The following PCDHA5 variants were observed in gnomAD, a reference collection of about 807,000 sequenced individuals.
PCDHA5 encodes protocadherin alpha 5.
A neutral mutation model predicts 61.6 loss-of-function variants in PCDHA5; 43 were observed. That is an observed-to-expected ratio of 0.70 (90% CI 0.55 to 0.90). The LOEUF (loss-of-function observed/expected upper bound fraction) is 0.90, where lower values mean the gene tolerates loss of function less well. Ranked by LOEUF, PCDHA5 falls within the 40% of genes least tolerant of loss-of-function variation. The pLI is 0.00. For missense variants in PCDHA5, 1,298 were observed against 1,222.7 expected (o/e 1.06, Z -0.92); for synonymous variants, 627 against 543.9 (o/e 1.15, Z -2.13).
Position 140,842,156 on chromosome 5 carries a change from T to G in PCDHA5, c.2352+18029T>G, listed in dbSNP as rs2150330678. 3.3e-5 allele frequency: 54 copies of G among 1,613,784 alleles called. 1 individual carries two copies. The South Asian group carries it at 5.9e-4, about 18-fold the overall frequency. ...TGAAGGAGCCAATGGGGCAATTTCA[T>G]ATTCTTTTAATAGCCTTGTTGAAAC... On this transcript the variant is annotated intron_variant, in intron 1 of 3. Coordinates refer to ENST00000529859, the MANE Select transcript of PCDHA5 (RefSeq NM_018908.3).
At chr5:140,976,470 G>A (rs1388811059) in intron 1 of PCDHA5, among the ~76,000 whole-genome samples, 3 of 152,116 alleles carry the variant, frequency 2.0e-5, no homozygotes, top group Non-Finnish European at 4.4e-5. Context: ...AGAATTGCTT[G>A]AATCCGGGAG....
rs568088223 is a variant in PCDHA5, at chr5:140,879,577, G to T, written c.2352+55450G>T. ...ATCCATGAAAGAATAAAATTGCCAA[G>T]ACAGACATTGAAAAGTGAAAAACAA... is the stretch of plus-strand genomic sequence containing the variant. On this transcript the variant is annotated intron_variant, in intron 1 of 3. Transcript: ENST00000529859. Among the ~76,000 whole-genome samples, 5 of 152,302 alleles carry T rather than the reference G, an allele frequency of 3.3e-5. No homozygotes were observed. In the South Asian group the frequency reaches 1.0e-3, roughly 32 times the overall value.
chr5:140,979,961 C>G (rs1554241296), intron 2 of PCDHA5, among the ~76,000 whole-genome samples: 1 of 152,054 alleles, frequency 6.6e-6, no homozygotes, highest in Non-Finnish European at 1.5e-5. Context: ...TAGTTTTAGC[C>G]CATTAAAATG....
chr5:140,833,761 C>A (rs1284549843), intron 1 of PCDHA5, among the ~76,000 whole-genome samples: 5 of 151,960 alleles, frequency 3.3e-5, no homozygotes, highest in African/African-American at 7.3e-5. Context: ...AACACACACA[C>A]ACACACCGCT....
chr5:140,831,954 TTA>T (rs1771776024), intron 1 of PCDHA5, among the ~76,000 whole-genome samples: 2 of 152,186 alleles, frequency 1.3e-5, no homozygotes, highest in South Asian at 4.1e-4. Flanking sequence ...AAGAAAAACT[TTA>T]TGTCATTTTA....
At chr5:140,884,321 G>A in intron 1 of PCDHA5, 1 of 1,613,854 alleles carries the variant, frequency 6.2e-7, no homozygotes, top group Non-Finnish European at 8.5e-7. Context: ...GGCGTCGGCA[G>A]GCGCTGTGGG....
intron 1 of PCDHA5, chr5:140,842,054 T>A (rs1461509081): frequency 6.2e-7 from 1 of 1,613,638 alleles, no homozygotes; most frequent in Non-Finnish European, 8.5e-7. Context: ...TTTCGAACAG[T>A]CTGAATACGA....
chr5:141,011,104 C>G lies in PCDHA5; in HGVS notation c.*1167C>G, dbSNP rs1396728499. The G allele has an allele frequency of 6.5e-6, 1 of 153,844 alleles. No homozygotes were observed. Among genetic ancestry groups the G allele is most frequent in the Non-Finnish European group, 1.5e-5 (1 of 68,020 alleles). The allele number at this position is 153,844 out of a possible 1,614,324, so 9.5% of individuals were successfully genotyped here. A position where few individuals can be genotyped will look rare whatever the true frequency, so the allele number is the denominator to read the frequency against. On this transcript the variant is annotated 3_prime_UTR_variant, in exon 4 of 4. Transcript: ENST00000529859. ...GATCTCTCTTTCTCTCTCTCTCTCT[C>G]TTTTCTAAGAAACAATTATGTGCAC... is the stretch of plus-strand genomic sequence containing the variant.
At chr5:140,868,810 G>C (rs944762063) in intron 1 of PCDHA5, 6 of 369,934 alleles carry the variant, frequency 1.6e-5, no homozygotes, top group African/African-American at 1.2e-4. Flanking sequence ...AAGCACGTTG[G>C]AAATATTTGG....
At position 140,929,227 on chromosome 5, in the gene PCDHA5, G is replaced by C. The variant is rs141300036; in HGVS notation, c.2353-49722G>C. ...GTTGCGTGGGGAGTACAATGCTGCC[G>C]ACCTGCGAAATCTTGCCACTGGGGT... On this transcript the variant is annotated intron_variant, in intron 1 of 3. Transcript: ENST00000529859. 7.4e-6 allele frequency: 12 copies of C among 1,613,892 alleles called. No homozygotes were observed. In the African/African-American group the frequency reaches 1.5e-4, roughly 20 times the overall value.
intron 1 of PCDHA5, chr5:140,882,587 G>A (rs559310344): frequency 6.2e-7 from 1 of 1,614,256 alleles, no homozygotes; most frequent in East Asian, 2.2e-5. Flanking sequence ...CATCCACCTG[G>A]AGGTGATCGT....
At chr5:140,957,725 A>T (rs1385506394) in intron 1 of PCDHA5, among the ~76,000 whole-genome samples, 1 of 152,156 alleles carries the variant, frequency 6.6e-6, no homozygotes, top group Non-Finnish European at 1.5e-5. Context: ...AAAGAAGCAG[A>T]ATTATATATA....
chr5:140,886,401 A>G (rs2060965059), intron 1 of PCDHA5, among the ~76,000 whole-genome samples: 1 of 152,174 alleles, frequency 6.6e-6, no homozygotes, highest in African/African-American at 2.4e-5. Flanking sequence ...TGCATCACAA[A>G]TATGTTTTCC....
chr5:140,842,171 C>T, intron 1 of PCDHA5: 8 of 1,613,804 alleles, frequency 5.0e-6, no homozygotes, highest in Non-Finnish European at 6.8e-6. Flanking sequence ...TTTTAATAGC[C>T]TTGTTGAAAC....
chr5:140,870,052 A>C (rs782520778), intron 1 of PCDHA5: 1 of 1,613,830 alleles, frequency 6.2e-7, no homozygotes, highest in Non-Finnish European at 8.5e-7. Flanking sequence ...GTTTTATAAA[A>C]TTGAAGTACA....
intron 1 of PCDHA5, chr5:140,926,986 C>A (rs782199565): frequency 8.1e-6 from 13 of 1,610,594 alleles, no homozygotes; most frequent in Non-Finnish European, 2.5e-6. Flanking sequence ...GGAGACGGAG[C>A]GGGGCGTAGC....
At chr5:140,992,186 A>G (rs1436291226) in intron 3 of PCDHA5, among the ~76,000 whole-genome samples, 1 of 152,166 alleles carries the variant, frequency 6.6e-6, no homozygotes, top group East Asian at 1.9e-4. Context: ...TCATGCTTTC[A>G]GTGATCTATC....
chr5:140,929,225 C>T (rs1249117880), intron 1 of PCDHA5: 2 of 1,613,724 alleles, frequency 1.2e-6, no homozygotes, highest in Non-Finnish European at 1.7e-6. Flanking sequence ...TACAATGCTG[C>T]CGACCTGCGA....
intron 1 of PCDHA5, chr5:140,851,511 T>C (rs2042080638): frequency 2.8e-5 from 25 of 901,700 alleles, no homozygotes; most frequent in Non-Finnish European, 3.2e-5. Flanking sequence ...ATATAAAATA[T>C]GTTTTAAAAT....
Sources: gnomAD v4.1 joint callset for allele counts (sites outside exome capture counted in the v4.1 genomes callset) on GRCh38, gnomAD v4.1.1 for gene constraint, MANE v1.5 for transcripts, NCBI Gene and HGNC (gene_info 2026-07-23, HGNC 2026-07-21) for gene names.